HCN1: variants seen among roughly 807,000 people sequenced by gnomAD.
HCN1 encodes potassium/sodium hyperpolarization-activated cyclic nucleotide-gated channel 1.
Under a neutral mutation model 78.9 loss-of-function variants are expected in HCN1, and 13 were observed. The observed-to-expected ratio is 0.16, with a 90% CI of 0.11 to 0.26. The LOEUF is 0.26. Ranked by LOEUF, HCN1 falls within the 10% of genes least tolerant of loss-of-function variation. The pLI, the probability that HCN1 is intolerant of heterozygous loss-of-function variation, is 1.00. For missense variants in HCN1, 810 were observed against 1,154.3 expected (o/e 0.70, Z 4.32); for synonymous variants, 552 against 455.5 (o/e 1.21, Z -2.70).
intron 5 of HCN1, among the ~76,000 whole-genome samples, chr5:45,309,578 G>C (rs1579798705): frequency 6.6e-6 from 1 of 152,106 alleles, no homozygotes; most frequent in East Asian, 1.9e-4. Context: ...AACATGAAGT[G>C]ATGTTGAATT....
rs199810488 is a variant in HCN1 at position 45,286,020 on chromosome 5, T to TAA, written c.1618+17577_1618+17578dup. Among the ~76,000 whole-genome samples the TAA allele has an allele frequency of 8.8e-4, 133 of 151,070 alleles. 1 individual carries two copies. Among genetic ancestry groups the TAA allele is most frequent in the Non-Finnish European group, 1.5e-3 (103 of 67,534 alleles). On this transcript the variant is annotated intron_variant, in intron 6 of 7. Coordinates refer to ENST00000303230, the MANE Select transcript of HCN1 (RefSeq NM_021072.4). ...TTAAAGAACTTCAGAGTTAAGGAAC[T>TAA]AAAAAAAAACTAAGTTTCTAAGATT...
At chr5:45,287,929 G>A (rs1745300876) in intron 6 of HCN1, among the ~76,000 whole-genome samples, 1 of 152,046 alleles carries the variant, frequency 6.6e-6, no homozygotes, top group African/African-American at 2.4e-5. Context: ...GGCACAGACT[G>A]TGCCAGGTAC....
chr5:45,480,880 A>G (rs1741636476), intron 2 of HCN1, among the ~76,000 whole-genome samples: 1 of 152,210 alleles, frequency 6.6e-6, no homozygotes, highest in African/African-American at 2.4e-5. Context: ...GTGTGTAAAT[A>G]GTTCTTGTAA....
At position 45,261,956 on chromosome 5, in the gene HCN1, C is replaced by A; in HGVS notation, c.2638G>T (p.Asp880Tyr). ...GAAGCAAATCGTGGCTTTTCTGCGT[C>A]TGGGTCTGTGTTTAAGACTGAGGAA... Reference protein sequence around the residue: ...ESSSVLNTDPDAEKPRFASNL With the variant: ...ESSSVLNTDPYAEKPRFASNL Residue 880 changes from aspartate to tyrosine, a missense_variant, in exon 8 of 8, where the codon GAC becomes TAC. Asp to Tyr is a radical substitution (Grantham distance 160, BLOSUM62 -3). Transcript: ENST00000303230. The A allele has an allele frequency of 1.2e-6, 2 of 1,614,070 alleles. No individual in the cohort carries two copies. Among genetic ancestry groups the A allele is most frequent in the South Asian group, 1.1e-5 (1 of 91,086 alleles).
chr5:45,348,148 C>T lies in HCN1; in HGVS notation c.1377+4952G>A, dbSNP rs188053308. Among the ~76,000 whole-genome samples, 4 of 152,160 alleles carry T rather than the reference C, an allele frequency of 2.6e-5. No homozygotes were observed. In the South Asian group the frequency reaches 6.2e-4, roughly 24 times the overall value. On this transcript the variant is annotated intron_variant, in intron 5 of 7. Transcript: ENST00000303230. Reference sequence around the variant, plus strand: ...GGATTACCCACAAAGGGAAGCCCATCAGACTAACAGCAGATCTCTCAGCAG... The same window carrying T: ...GGATTACCCACAAAGGGAAGCCCATTAGACTAACAGCAGATCTCTCAGCAG...
At chr5:45,336,467 T>C (rs1746457831) in intron 5 of HCN1, among the ~76,000 whole-genome samples, 1 of 152,044 alleles carries the variant, frequency 6.6e-6, no homozygotes, top group Admixed American at 6.6e-5. Context: ...TGGAGCTCAG[T>C]GTGCAGGACG....
At chr5:45,600,829 A>G (rs1744607468) in intron 2 of HCN1, among the ~76,000 whole-genome samples, 1 of 152,182 alleles carries the variant, frequency 6.6e-6, no homozygotes, top group African/African-American at 2.4e-5. Context: ...GGGTTAGAGA[A>G]GTTAGGAAGC....
intron 2 of HCN1, among the ~76,000 whole-genome samples, chr5:45,582,910 G>A (rs1207644756): frequency 6.6e-6 from 1 of 152,138 alleles, no homozygotes; most frequent in African/African-American, 2.4e-5. Flanking sequence ...TGTGCTGTTG[G>A]ATTCAGTTTG....
chr5:45,686,039 A>C (rs985043887), intron 1 of HCN1, among the ~76,000 whole-genome samples: 10 of 152,074 alleles, frequency 6.6e-5, no homozygotes, highest in African/African-American at 9.7e-5. Flanking sequence ...TAAGCACTAC[A>C]TATATAGAAA....
chr5:45,672,152 A>C (rs1561240244), intron 1 of HCN1, among the ~76,000 whole-genome samples: 1 of 151,624 alleles, frequency 6.6e-6, no homozygotes, highest in Non-Finnish European at 1.5e-5. Flanking sequence ...CCAGTCAAAA[A>C]ACACCATGGG....
At chr5:45,376,463 A>T (rs1579855006) in intron 4 of HCN1, among the ~76,000 whole-genome samples, 1 of 149,886 alleles carries the variant, frequency 6.7e-6, no homozygotes. Flanking sequence ...ATCAGACACC[A>T]GATTGGCTAG....
chr5:45,695,140 G>A (rs998824054), intron 1 of HCN1: 2 of 153,876 alleles, frequency 1.3e-5, no homozygotes, highest in Non-Finnish European at 2.9e-5. Flanking sequence ...GATAACCAGC[G>A]CCTATAAAGA....
chr5:45,288,687 G>C (rs1471406808), intron 6 of HCN1, among the ~76,000 whole-genome samples: 1 of 151,984 alleles, frequency 6.6e-6, no homozygotes, highest in Non-Finnish European at 1.5e-5. Context: ...GAAAGAATCA[G>C]GCATTAAATC....
At chr5:45,512,870 C>T (rs1176745092) in intron 2 of HCN1, among the ~76,000 whole-genome samples, 1 of 151,996 alleles carries the variant, frequency 6.6e-6, no homozygotes, top group Non-Finnish European at 1.5e-5. Flanking sequence ...AAATGAAAGG[C>T]AAATATGAGG....
Position 45,314,120 on chromosome 5 carries a change from C to T in HCN1, c.1378-10281G>A, listed in dbSNP as rs369058061. 2.7e-4 allele frequency among the ~76,000 whole-genome samples: 41 copies of T among 152,214 alleles called. No homozygotes were observed. The South Asian group carries it at 7.3e-3, about 27-fold the overall frequency. On this transcript the variant is annotated intron_variant, in intron 5 of 7. Transcript: ENST00000303230. The stretch of plus-strand genomic sequence containing the variant: ...GGTAAGGGCAGCCAGAGAGAAAGGT[C>T]GGGTTACCCACAAAGAGAAGCCCAC...
rs144876933 is a variant in HCN1 at position 45,611,715 on chromosome 5, CTTTCT to C, written c.849+33465_849+33469del. Among the ~76,000 whole-genome samples, 834 of 151,950 alleles carry C rather than the reference CTTTCT, an allele frequency of 5.5e-3. 6 individuals are homozygous for C. The highest frequency in any genetic ancestry group is 8.5e-3 in the Non-Finnish European group (580 of 67,990). ...ATAGAGAAGATATTCAAATATGATTCTTTCTTTTAAAAATTCAGTTAACTGTTTTG... is the reference window on the plus strand; with the variant it reads ...ATAGAGAAGATATTCAAATATGATTCTTTAAAAATTCAGTTAACTGTTTTG... On this transcript the variant is annotated intron_variant, in intron 2 of 7. Transcript: ENST00000303230.
intron 2 of HCN1, among the ~76,000 whole-genome samples, chr5:45,500,481 A>T (rs969841233): frequency 6.6e-6 from 1 of 152,226 alleles, no homozygotes; most frequent in African/African-American, 2.4e-5. Flanking sequence ...AAATTAGTGG[A>T]TAATATGTGG....
At chr5:45,655,741 G>A (rs1358429453) in intron 1 of HCN1, among the ~76,000 whole-genome samples, 3 of 152,024 alleles carry the variant, frequency 2.0e-5, no homozygotes, top group Admixed American at 2.0e-4. Flanking sequence ...TTGTCCTTAT[G>A]CCCATATAGT....
rs752311571 is a variant in HCN1, at chr5:45,467,494, T to TG, written c.850-5488dup. Among the ~76,000 whole-genome samples, 4 of 152,006 alleles carry TG rather than the reference T, an allele frequency of 2.6e-5. No individual in the cohort carries two copies. The East Asian group carries it at 5.8e-4, about 22-fold the overall frequency. ...CTGTCCTTTTCCACTGCATTTTCTC[T>TG]GAAAAAAAAATGTCAACTTCTGATT... On this transcript the variant is annotated intron_variant, in intron 2 of 7. Transcript: ENST00000303230.
Sources: gnomAD v4.1 joint callset for allele counts (sites outside exome capture counted in the v4.1 genomes callset) on GRCh38, gnomAD v4.1.1 for gene constraint, MANE v1.5 for transcripts, NCBI Gene and HGNC (gene_info 2026-07-23, HGNC 2026-07-21) for gene names.